KALRN: variants seen among roughly 807,000 people sequenced by gnomAD.
KALRN encodes the protein kalirin.
A neutral mutation model predicts 353.7 loss-of-function variants in KALRN; 70 were observed. The observed-to-expected ratio is 0.20, with a 90% CI of 0.16 to 0.24. KALRN has a LOEUF of 0.24. KALRN is among the 10% of genes least tolerant of loss of function. The pLI is 1.00. For synonymous variants in KALRN, 1,391 were observed against 1,434.8 expected (o/e 0.97, Z 0.69); for missense variants, 2,791 against 3,756.7 (o/e 0.74, Z 6.72).
chr3:124,408,202 A>T (rs821885), intron 13 of KALRN, among the ~76,000 whole-genome samples: 98,071 of 152,182 alleles, frequency 0.64, 32,203 homozygotes, highest in East Asian at 0.84. Flanking sequence ...AAAAAATATG[A>T]TTAATTTAAA....
At chr3:124,681,872 T>C (rs650995) in intron 51 of KALRN, among the ~76,000 whole-genome samples, 2,013 of 152,160 alleles carry the variant, frequency 0.013, 50 homozygotes, top group African/African-American at 0.046. Flanking sequence ...TCAAGTGATC[T>C]GCCTGCCTTG....
chr3:124,062,196 G>T (rs966385982), intron 1 of KALRN, among the ~76,000 whole-genome samples: 10 of 152,184 alleles, frequency 6.6e-5, no homozygotes, highest in African/African-American at 2.2e-4. Flanking sequence ...TAAACATTCT[G>T]CCTTGGACTT....
intron 3 of KALRN, among the ~76,000 whole-genome samples, chr3:124,260,244 T>C (rs1454308226): frequency 1.3e-5 from 2 of 152,202 alleles, no homozygotes; most frequent in South Asian, 4.1e-4. Flanking sequence ...TCCTTCTACC[T>C]TGACAAATAT....
At chr3:124,191,064 T>C (rs1199501887) in intron 1 of KALRN, among the ~76,000 whole-genome samples, 1 of 152,150 alleles carries the variant, frequency 6.6e-6, no homozygotes, top group African/African-American at 2.4e-5. Context: ...CAGTTTATTA[T>C]AAAAGATACT....
intron 37 of KALRN, among the ~76,000 whole-genome samples, chr3:124,643,792 A>G (rs1343479038): frequency 6.6e-6 from 1 of 152,150 alleles, no homozygotes; most frequent in Non-Finnish European, 1.5e-5. Flanking sequence ...CATATATTTT[A>G]TTGTGTATAT....
At chr3:124,321,372 A>G (rs1293586375) in intron 6 of KALRN, among the ~76,000 whole-genome samples, 1 of 152,270 alleles carries the variant, frequency 6.6e-6, no homozygotes, top group African/African-American at 2.4e-5. Flanking sequence ...AATAAGCAGT[A>G]TTTCTTTCAG....
chr3:124,243,629 A>G (rs2080773212), intron 3 of KALRN, among the ~76,000 whole-genome samples: 1 of 152,180 alleles, frequency 6.6e-6, no homozygotes, highest in South Asian at 2.1e-4. Flanking sequence ...ATAGCAGAGA[A>G]AGAATGGGCT....
intron 34 of KALRN, among the ~76,000 whole-genome samples, chr3:124,587,423 A>G (rs1410421991): frequency 6.6e-6 from 1 of 152,198 alleles, no homozygotes; most frequent in Admixed American, 6.5e-5. Context: ...AGTCTGAGGA[A>G]AAGGACAAAA....
intron 10 of KALRN, among the ~76,000 whole-genome samples, chr3:124,366,178 A>G (rs569576918): frequency 6.6e-6 from 1 of 151,932 alleles, no homozygotes; most frequent in East Asian, 1.9e-4. Flanking sequence ...ATGTTTTGTG[A>G]TTGTATATTT....
intron 33 of KALRN, among the ~76,000 whole-genome samples, chr3:124,559,378 C>T (rs1233270235): frequency 6.6e-6 from 1 of 152,130 alleles, no homozygotes; most frequent in Admixed American, 6.5e-5. Flanking sequence ...TGGAGGGAAG[C>T]CAGGCAGACA....
At chr3:124,487,430 A>G (rs1178326538) in intron 28 of KALRN, among the ~76,000 whole-genome samples, 1 of 152,212 alleles carries the variant, frequency 6.6e-6, no homozygotes, top group African/African-American at 2.4e-5. Context: ...TGGGGGACAG[A>G]ATATAGGAGA....
At chr3:124,320,189 C>T (rs1487819876) in intron 6 of KALRN, among the ~76,000 whole-genome samples, 1 of 152,124 alleles carries the variant, frequency 6.6e-6, no homozygotes, top group Non-Finnish European at 1.5e-5. Flanking sequence ...TTTGCATGGC[C>T]TCCCTCCCTT....
intron 3 of KALRN, among the ~76,000 whole-genome samples, chr3:124,259,787 T>C (rs78296875): frequency 0.078 from 11,841 of 152,188 alleles, 510 homozygotes; most frequent in South Asian, 0.094. Context: ...CAGATGGTAA[T>C]AAGTGCTAAG....
intron 34 of KALRN, among the ~76,000 whole-genome samples, chr3:124,588,498 C>G (rs373861615): frequency 7.0e-4 from 106 of 152,308 alleles, no homozygotes; most frequent in African/African-American, 2.5e-3. Context: ...AATCTTGGCT[C>G]ACTGCAACCT....
At chr3:124,277,851 G>A (rs2074919038) in intron 5 of KALRN, among the ~76,000 whole-genome samples, 1 of 152,228 alleles carries the variant, frequency 6.6e-6, no homozygotes, top group Admixed American at 6.5e-5. Flanking sequence ...GGACCCCATA[G>A]AACTGTGGAC....
chr3:124,502,481 C>T (rs554336972), intron 33 of KALRN, among the ~76,000 whole-genome samples: 1 of 152,220 alleles, frequency 6.6e-6, no homozygotes, highest in South Asian at 2.1e-4. Flanking sequence ...AGTAGTGTCT[C>T]CTGCAGGGAG....
At chr3:124,307,124 C>A (rs915969183) in intron 6 of KALRN, among the ~76,000 whole-genome samples, 1 of 152,024 alleles carries the variant, frequency 6.6e-6, no homozygotes, top group African/African-American at 2.4e-5. Flanking sequence ...ATTTCTTCTC[C>A]TTTTTTCTCT....
chr3:124,413,721 T>C, intron 14 of KALRN, 56 bp downstream of exon 14: 1 of 1,404,946 alleles, frequency 7.1e-7, no homozygotes, highest in East Asian at 2.3e-5. Context: ...AAGCATACCA[T>C]CTAGCCTGCA....
chr3:124,302,515 G>A (rs1243548467), intron 6 of KALRN, among the ~76,000 whole-genome samples: 2 of 152,170 alleles, frequency 1.3e-5, no homozygotes, highest in East Asian at 3.9e-4. Context: ...GAAGTCCTAG[G>A]TGTATCATTT....
Sources: allele counts gnomAD v4.1 joint callset (sites outside exome capture counted in the v4.1 genomes callset), GRCh38; gene constraint gnomAD v4.1.1; transcripts MANE v1.5; gene names NCBI Gene and HGNC (gene_info 2026-07-23, HGNC 2026-07-21).